Variants in AGAP1 observed in about 807,000 individuals in gnomAD.
AGAP1 encodes the protein ArfGAP with GTPase domain, ankyrin repeat and PH domain 1.
Under a neutral mutation model 105.3 loss-of-function variants are expected in AGAP1, and 29 were observed. That is an observed-to-expected ratio of 0.28 (90% CI 0.21 to 0.38). The LOEUF is 0.38. Ranked by LOEUF, AGAP1 falls within the 10% of genes least tolerant of loss-of-function variation. The probability of loss-of-function intolerance (pLI) is 1.00; values close to 1 mark genes in which losing one functional copy is unlikely to be tolerated. For missense variants in AGAP1, 998 were observed against 1,165.1 expected (o/e 0.86, Z 2.09); for synonymous variants, 509 against 485.9 (o/e 1.05, Z -0.63).
rs1947927189 is a variant in AGAP1, at chr2:235,660,929, T to A, written c.164-48250T>A. ...ATTCTGGCCTTGGAGCCCAGCCTCT[T>A]AGCCACTCAGTGCAACTGTGGAGAC... On this transcript the variant is annotated intron_variant, in intron 1 of 17. Transcript: ENST00000304032. The surrounding 1 kb of genome is among the most constrained non-coding windows in gnomAD (Gnocchi z 5.3). Among the ~76,000 whole-genome samples the A allele has an allele frequency of 1.3e-5, 2 of 152,158 alleles. No homozygotes were observed. The highest frequency in any genetic ancestry group is 2.9e-5 in the Non-Finnish European group (2 of 68,036).
chr2:235,998,179 G>A (rs927727157), intron 13 of AGAP1, among the ~76,000 whole-genome samples: 8 of 152,190 alleles, frequency 5.3e-5, no homozygotes, highest in East Asian at 3.8e-4. Flanking sequence ...GAGAGCAAGC[G>A]TTAAGCTCTG....
intron 1 of AGAP1, among the ~76,000 whole-genome samples, chr2:235,583,778 G>A (rs1480372757): frequency 6.6e-6 from 1 of 151,618 alleles, no homozygotes; most frequent in Non-Finnish European, 1.5e-5. Context: ...TCGGGAGGCT[G>A]AGGCAGAATT....
rs1430156228 is a variant in AGAP1, at chr2:236,096,104, C to A, written c.2115-24088C>A. 6.6e-6 allele frequency among the ~76,000 whole-genome samples: 1 copy of A among 152,152 alleles called. No homozygotes were observed. Among genetic ancestry groups the A allele is most frequent in the African/African-American group, 2.4e-5 (1 of 41,432 alleles). ...GTGGAAGCAATACTGATGATGGAAC[C>A]GCAGTACTATGTATCTTACCCTACC... On this transcript the variant is annotated intron_variant, in intron 16 of 17. Coordinates refer to ENST00000304032, the MANE Select transcript of AGAP1 (RefSeq NM_001037131.3). This position sits in a 1 kb window ranked among gnomAD's most constrained non-coding sequence, Gnocchi z 4.4.
rs544001831 is a variant in AGAP1, at chr2:235,887,732, A to G, written c.1155+4283A>G. 4.6e-5 allele frequency among the ~76,000 whole-genome samples: 7 copies of G among 152,346 alleles called. No homozygotes were observed. The highest frequency in any genetic ancestry group is 1.9e-4 in the East Asian group (1 of 5,180). ...TCTACAAAGATGTAAACGGGTATCA[A>G]TAGTGAGGTTGCTGCACCGATTCCT... On this transcript the variant is annotated intron_variant, in intron 10 of 17. Transcript: ENST00000304032. The surrounding 1 kb of genome is among the most constrained non-coding windows in gnomAD (Gnocchi z 4.1).
chr2:235,722,249 C>T (rs747891144), intron 3 of AGAP1, among the ~76,000 whole-genome samples: 1 of 152,130 alleles, frequency 6.6e-6, no homozygotes, highest in South Asian at 2.1e-4. Flanking sequence ...TGGCTTAAAA[C>T]AGAAATGTAT....
At position 235,725,334 on chromosome 2, in the gene AGAP1, G is replaced by A. The variant is rs1434857873; in HGVS notation, c.310+7690G>A. On this transcript the variant is annotated intron_variant, in intron 3 of 17. Transcript: ENST00000304032. The surrounding 1 kb of genome is among the most constrained non-coding windows in gnomAD (Gnocchi z 5.7). ...ACTTAGTTTCTTAGAAACAAAACGT[G>A]GTAAACACCCAGTCTTATTTTCTGG... Among the ~76,000 whole-genome samples, 1 of 152,076 alleles carries A rather than the reference G, an allele frequency of 6.6e-6. No homozygotes were observed. The highest frequency in any genetic ancestry group is 1.5e-5 in the Non-Finnish European group (1 of 68,024).
At position 235,556,295 on chromosome 2, in the gene AGAP1, T is replaced by A. The variant is rs1040689573; in HGVS notation, c.163+61446T>A. On this transcript the variant is annotated intron_variant, in intron 1 of 17. Coordinates refer to ENST00000304032, the MANE Select transcript of AGAP1 (RefSeq NM_001037131.3). This position sits in a 1 kb window ranked among gnomAD's most constrained non-coding sequence, Gnocchi z 5.3. Reference sequence around the variant, plus strand: ...GTCCAAGAACAAGCCTGTGACCCCCTGGGTCCCCTTTGTCCTTGGCCTATA... The same window carrying A: ...GTCCAAGAACAAGCCTGTGACCCCCAGGGTCCCCTTTGTCCTTGGCCTATA... 1.3e-5 allele frequency among the ~76,000 whole-genome samples: 2 copies of A among 152,242 alleles called. No individual in the cohort carries two copies. Among genetic ancestry groups the A allele is most frequent in the Non-Finnish European group, 2.9e-5 (2 of 68,034 alleles).
intron 1 of AGAP1, among the ~76,000 whole-genome samples, chr2:235,523,741 C>A (rs937772066): frequency 1.3e-5 from 2 of 151,650 alleles, no homozygotes; most frequent in Non-Finnish European, 1.5e-5. Context: ...GGCCTTGGGT[C>A]GAAAGGCCGA....
chr2:235,853,895 T>A (rs2048577911), intron 9 of AGAP1, among the ~76,000 whole-genome samples: 1 of 151,986 alleles, frequency 6.6e-6, no homozygotes, highest in African/African-American at 2.4e-5. Context: ...CAGTCCCTAG[T>A]CATTCATTGC....
chr2:235,878,229 G>A (rs546272960), intron 9 of AGAP1, among the ~76,000 whole-genome samples: 2 of 152,340 alleles, frequency 1.3e-5, no homozygotes, highest in African/African-American at 2.4e-5. Context: ...CCGCGTGCAC[G>A]TGCAGCTGGC....
At chr2:235,711,694 G>A (rs1309971181) in intron 2 of AGAP1, among the ~76,000 whole-genome samples, 6 of 152,050 alleles carry the variant, frequency 3.9e-5, no homozygotes, top group Admixed American at 6.6e-5. Context: ...CGTCCTCATC[G>A]GCACCCCCAG....
intron 13 of AGAP1, among the ~76,000 whole-genome samples, chr2:235,997,212 C>T (rs1007773223): frequency 2.0e-5 from 3 of 152,140 alleles, no homozygotes; most frequent in Non-Finnish European, 2.9e-5. Context: ...GACTCAGCCT[C>T]CCGAGCAACT....
chr2:236,079,704 A>G (rs974946997), intron 16 of AGAP1, among the ~76,000 whole-genome samples: 1 of 152,076 alleles, frequency 6.6e-6, no homozygotes, highest in African/African-American at 2.4e-5. Context: ...AAAAAACCTG[A>G]GACTGAGTGG....
At position 235,692,571 on chromosome 2, in the gene AGAP1, C is replaced by G. The variant is rs1053612514; in HGVS notation, c.164-16608C>G. The stretch of plus-strand genomic sequence containing the variant: ...CTGCCCCTATGCTCTCCCCCCTTGC[C>G]CTCCCCCCTTGCCTTCCTGGGCCAT... On this transcript the variant is annotated intron_variant, in intron 1 of 17. Transcript: ENST00000304032. This position sits in a 1 kb window ranked among gnomAD's most constrained non-coding sequence, Gnocchi z 5.8. 4.0e-5 allele frequency among the ~76,000 whole-genome samples: 6 copies of G among 150,334 alleles called. No individual in the cohort carries two copies. In the East Asian group the frequency reaches 1.2e-3, roughly 29 times the overall value.
Position 235,740,061 on chromosome 2 carries a change from G to A in AGAP1, c.311-902G>A, listed in dbSNP as rs144256350. ...AACAAGAGTTTCGAATCCCCATGAGGGTTCCCTAGCGTGGTCTCAGAGCCC... is the reference window on the plus strand; with the variant it reads ...AACAAGAGTTTCGAATCCCCATGAGAGTTCCCTAGCGTGGTCTCAGAGCCC... On this transcript the variant is annotated intron_variant, in intron 3 of 17. Coordinates refer to ENST00000304032, the MANE Select transcript of AGAP1 (RefSeq NM_001037131.3). The surrounding 1 kb of genome is among the most constrained non-coding windows in gnomAD (Gnocchi z 5.7). 6.6e-3 allele frequency among the ~76,000 whole-genome samples: 1,008 copies of A among 152,298 alleles called. 9 individuals are homozygous for A. Among genetic ancestry groups the A allele is most frequent in the African/African-American group, 0.023 (956 of 41,550 alleles).
chr2:235,650,921 T>C (rs976086501), intron 1 of AGAP1, among the ~76,000 whole-genome samples: 1 of 152,022 alleles, frequency 6.6e-6, no homozygotes, highest in African/African-American at 2.4e-5. Flanking sequence ...GGCTCACGCC[T>C]ATAATCCCAG....
Position 236,102,234 on chromosome 2 carries a change from G to A in AGAP1, c.2115-17958G>A, listed in dbSNP as rs550215225. On this transcript the variant is annotated intron_variant, in intron 16 of 17. Coordinates refer to ENST00000304032, the MANE Select transcript of AGAP1 (RefSeq NM_001037131.3). ...AGATCGAGACCATCCTGGCTAACAC[G>A]GTGAAACCCTGTTTCTACTAAAAAT... 3.6e-3 allele frequency among the ~76,000 whole-genome samples: 552 copies of A among 152,166 alleles called. 1 individual carries two copies. Among genetic ancestry groups the A allele is most frequent in the South Asian group, 9.8e-3 (47 of 4,812 alleles).
chr2:235,695,267 A>G (rs965060503), intron 1 of AGAP1, among the ~76,000 whole-genome samples: 1 of 152,194 alleles, frequency 6.6e-6, no homozygotes, highest in Non-Finnish European at 1.5e-5. Flanking sequence ...TGTAGAAAGG[A>G]ACTACTTCTT....
intron 16 of AGAP1, among the ~76,000 whole-genome samples, chr2:236,085,584 C>T (rs900192864): frequency 6.6e-6 from 1 of 152,242 alleles, no homozygotes; most frequent in Non-Finnish European, 1.5e-5. Context: ...GCCCAGCATG[C>T]TCAGGGCTCC....
Sources: allele counts gnomAD v4.1 joint callset (sites outside exome capture counted in the v4.1 genomes callset), GRCh38; gene constraint gnomAD v4.1.1; non-coding constraint Gnocchi (gnomAD v3.1); transcripts MANE v1.5; gene names NCBI Gene and HGNC (gene_info 2026-07-23, HGNC 2026-07-21).